Variants in DCC observed in about 807,000 individuals in gnomAD.
DCC encodes the protein netrin receptor DCC.
Under a neutral mutation model 172.5 loss-of-function variants are expected in DCC, and 58 were observed. That is an observed-to-expected ratio of 0.34 (90% CI 0.27 to 0.42). DCC has a LOEUF of 0.42. Among genes scored for constraint, DCC ranks in the 10% least tolerant of loss-of-function variants. The pLI is 1.00. For synonymous variants in DCC, 709 were observed against 644.5 expected (o/e 1.10, Z -1.52); for missense variants, 1,740 against 1,791.0 (o/e 0.97, Z 0.51).
intron 2 of DCC, chr18:52,754,221 A>AT (rs2037042021): frequency 6.6e-6 from 1 of 152,142 alleles, no homozygotes; most frequent in Admixed American, 6.5e-5. Context: ...GAAAGATGTG[A>AT]TTTTGTCAGG....
At chr18:52,866,865 C>T (rs1428739652) in intron 2 of DCC, among the ~76,000 whole-genome samples, 2 of 152,104 alleles carry the variant, frequency 1.3e-5, no homozygotes, top group Admixed American at 1.3e-4. Flanking sequence ...TTTGAATACC[C>T]TTTATTTTTT....
intron 7 of DCC, among the ~76,000 whole-genome samples, chr18:53,112,579 A>G (rs919104908): frequency 2.0e-5 from 3 of 151,556 alleles, no homozygotes; most frequent in Non-Finnish European, 4.4e-5. Context: ...TAATGGATTT[A>G]TGAGAGTAAT....
At chr18:52,888,704 T>C (rs1395906552) in intron 2 of DCC, among the ~76,000 whole-genome samples, 2 of 151,986 alleles carry the variant, frequency 1.3e-5, no homozygotes, top group Non-Finnish European at 2.9e-5. Context: ...CAAAAAACAA[T>C]GCCCTGTGAT....
intron 7 of DCC, among the ~76,000 whole-genome samples, chr18:53,150,687 C>T (rs761185387): frequency 2.6e-5 from 4 of 152,156 alleles, no homozygotes; most frequent in African/African-American, 4.8e-5. Context: ...GAGGCCCCCA[C>T]GTCAGGGCAG....
chr18:52,884,774 G>A (rs2039545418), intron 2 of DCC, among the ~76,000 whole-genome samples: 1 of 152,026 alleles, frequency 6.6e-6, no homozygotes, highest in African/African-American at 2.4e-5. Flanking sequence ...ATCAATATCT[G>A]GGCATTGAAG....
chr18:53,222,355 A>G (rs935316689), intron 12 of DCC, among the ~76,000 whole-genome samples: 2 of 143,206 alleles, frequency 1.4e-5, no homozygotes, highest in African/African-American at 5.2e-5. Context: ...GAGAATACTT[A>G]CCTTTTTCTT....
intron 5 of DCC, among the ~76,000 whole-genome samples, chr18:52,980,776 T>C (rs1186969049): frequency 6.6e-6 from 1 of 152,096 alleles, no homozygotes; most frequent in Non-Finnish European, 1.5e-5. Context: ...AACTTGTTGG[T>C]TGGTGAAGAA....
intron 7 of DCC, among the ~76,000 whole-genome samples, chr18:53,085,344 A>AT (rs544300537): frequency 3.1e-4 from 46 of 150,756 alleles, no homozygotes; most frequent in East Asian, 7.8e-4. Context: ...CTAGTCAGGG[A>AT]TTTTTTTTTT....
At chr18:53,355,668 G>C (rs916591188) in intron 15 of DCC, among the ~76,000 whole-genome samples, 1 of 152,110 alleles carries the variant, frequency 6.6e-6, no homozygotes, top group Non-Finnish European at 1.5e-5. Flanking sequence ...AGGAGATTTG[G>C]GGCTGAGACA....
At chr18:52,934,189 A>G (rs2040349056) in intron 5 of DCC, among the ~76,000 whole-genome samples, 1 of 152,076 alleles carries the variant, frequency 6.6e-6, no homozygotes, top group South Asian at 2.1e-4. Flanking sequence ...CGCGATTGAT[A>G]TAACAATATC....
intron 15 of DCC, among the ~76,000 whole-genome samples, chr18:53,367,592 T>A (rs993123159): frequency 6.6e-6 from 1 of 152,182 alleles, no homozygotes; most frequent in Non-Finnish European, 1.5e-5. Context: ...ACTTGTAATG[T>A]TGCGCAGCCA....
At chr18:52,902,734 A>G (rs2039827907) in intron 2 of DCC, among the ~76,000 whole-genome samples, 1 of 152,188 alleles carries the variant, frequency 6.6e-6, no homozygotes, top group South Asian at 2.1e-4. Flanking sequence ...TGTAACTGCT[A>G]AAATTTAGCA....
At chr18:52,516,702 G>C (rs1260699757) in intron 1 of DCC, among the ~76,000 whole-genome samples, 1 of 152,096 alleles carries the variant, frequency 6.6e-6, no homozygotes, top group Admixed American at 6.6e-5. Flanking sequence ...GGTCATTATT[G>C]CCTTATTAGA....
At chr18:52,579,248 T>C (rs928454858) in intron 1 of DCC, among the ~76,000 whole-genome samples, 1 of 152,186 alleles carries the variant, frequency 6.6e-6, no homozygotes, top group East Asian at 1.9e-4. Context: ...TTCCCATTAT[T>C]TGAGTCATTA....
intron 7 of DCC, among the ~76,000 whole-genome samples, chr18:53,145,021 A>G (rs2043884739): frequency 6.6e-6 from 1 of 151,122 alleles, no homozygotes; most frequent in Non-Finnish European, 1.5e-5. Context: ...CGTCCCTCTA[A>G]AATTCATGTT....
chr18:53,306,889 G>C (rs1185854380), intron 13 of DCC, among the ~76,000 whole-genome samples: 1 of 152,122 alleles, frequency 6.6e-6, no homozygotes, highest in Non-Finnish European at 1.5e-5. Flanking sequence ...ACTGGGTCAG[G>C]ACAACATACA....
chr18:53,520,391 T>TA (rs1345052271), intron 27 of DCC, among the ~76,000 whole-genome samples: 19 of 152,062 alleles, frequency 1.2e-4, no homozygotes, highest in Non-Finnish European at 1.2e-4. Flanking sequence ...TTATTTTACA[T>TA]AAAAATGTTC....
intron 1 of DCC, among the ~76,000 whole-genome samples, chr18:52,715,732 T>C (rs1392254547): frequency 6.6e-6 from 1 of 151,962 alleles, no homozygotes; most frequent in Non-Finnish European, 1.5e-5. Flanking sequence ...GTGCTTAGGG[T>C]TCTTGGCCAT....
At chr18:52,681,271 T>A (rs2035746201) in intron 1 of DCC, among the ~76,000 whole-genome samples, 1 of 152,056 alleles carries the variant, frequency 6.6e-6, no homozygotes, top group African/African-American at 2.4e-5. Context: ...TTTCTCACTG[T>A]ACCCACTCCC....
Sources: allele counts gnomAD v4.1 joint callset (sites outside exome capture counted in the v4.1 genomes callset), GRCh38; gene constraint gnomAD v4.1.1; transcripts MANE v1.5; gene names NCBI Gene and HGNC (gene_info 2026-07-23, HGNC 2026-07-21).